Variants in EFEMP1 observed in about 807,000 individuals in gnomAD.
The protein encoded by EFEMP1 is EGF-like fibulin extracellular matrix protein 1.
A neutral mutation model predicts 65.7 loss-of-function variants in EFEMP1; 18 were observed. The observed-to-expected ratio is 0.27, with a 90% CI of 0.19 to 0.41. The LOEUF (loss-of-function observed/expected upper bound fraction) is 0.41, where lower values mean the gene tolerates loss of function less well. Among genes scored for constraint, EFEMP1 ranks in the 10% least tolerant of loss-of-function variants. The pLI is 1.00. For synonymous variants in EFEMP1, 237 were observed against 219.7 expected (o/e 1.08, Z -0.70); for missense variants, 469 against 624.8 (o/e 0.75, Z 2.66).
chr2:55,878,658 TAAAAC>T (rs56900947), intron 6 of EFEMP1, among the ~76,000 whole-genome samples: 5 of 151,778 alleles, frequency 3.3e-5, no homozygotes, highest in Admixed American at 2.0e-4. Flanking sequence ...TGCCTTGTGG[TAAAAC>T]AAAACAAAAC....
chr2:55,901,331 T>C (rs1364898115), intron 5 of EFEMP1, among the ~76,000 whole-genome samples: 1 of 152,236 alleles, frequency 6.6e-6, no homozygotes, highest in East Asian at 1.9e-4. Flanking sequence ...AGTTTTTGTT[T>C]TATGAAAATT....
At position 55,923,704 on chromosome 2, in the gene EFEMP1, C is replaced by A. The variant is rs1671000868; in HGVS notation, c.-49+7G>T. ...GCTCGGGGCGACCCCCCGTTGGGGG[C>A]TCCTACCTGTGCGGCCGCGCTGCGC... is the stretch of plus-strand genomic sequence containing the variant. On this transcript the variant is annotated splice_region_variant and intron_variant, in intron 1 of 11. Coordinates refer to ENST00000355426, the MANE Select transcript of EFEMP1 (RefSeq NM_001039348.3). The surrounding 1 kb of genome is among the most constrained non-coding windows in gnomAD (Gnocchi z 5.3). 3.0e-6 allele frequency: 3 copies of A among 985,796 alleles called. No individual in the cohort carries two copies. Among genetic ancestry groups the A allele is most frequent in the Non-Finnish European group, 3.6e-6 (3 of 830,424 alleles). 61.1% of individuals were successfully genotyped at this position (985,796 alleles called of 1,614,324 possible).
Position 55,877,629 on chromosome 2 carries a change from T to G in EFEMP1, c.760+117A>C. 1 of 1,472,988 alleles carries G rather than the reference T, an allele frequency of 6.8e-7. No homozygotes were observed. Among genetic ancestry groups the G allele is most frequent in the Admixed American group, 1.7e-5 (1 of 58,154 alleles). 91.2% of individuals were successfully genotyped at this position (1,472,988 alleles called of 1,614,324 possible). On this transcript the variant is annotated intron_variant, in intron 7 of 11. Coordinates refer to ENST00000355426, the MANE Select transcript of EFEMP1 (RefSeq NM_001039348.3). The surrounding 1 kb of genome is among the most constrained non-coding windows in gnomAD (Gnocchi z 4.5). ...ATTATCTTTTAAGCTTTATGATTGC[T>G]GAAGGGAAGTCGATGGAAACTATTT... is the stretch of plus-strand genomic sequence containing the variant.
intron 5 of EFEMP1, among the ~76,000 whole-genome samples, chr2:55,913,177 G>A (rs1670546907): frequency 6.6e-6 from 1 of 152,090 alleles, no homozygotes. Context: ...AGGTGCAGGC[G>A]ATTTGGCTGT....
intron 5 of EFEMP1, among the ~76,000 whole-genome samples, chr2:55,900,311 C>T (rs1318683147): frequency 4.0e-5 from 6 of 149,432 alleles, no homozygotes; most frequent in Admixed American, 4.0e-4. Context: ...ACTGCCCCCA[C>T]GATCCCCCCC....
intron 5 of EFEMP1, among the ~76,000 whole-genome samples, chr2:55,912,981 T>A (rs1670535592): frequency 6.6e-6 from 1 of 152,176 alleles, no homozygotes; most frequent in Non-Finnish European, 1.5e-5. Context: ...AGAAACTTGC[T>A]CATTGGCACA....
Position 55,867,033 on chromosome 2 carries a change from T to C in EFEMP1, c.*40A>G. ...TAGTGCTTTAAGGTAACAATATTCT[T>C]TGGCTGACTTAAATGCCTGTGGTTG... On this transcript the variant is annotated 3_prime_UTR_variant, in exon 12 of 12. Transcript: ENST00000355426. This position sits in a 1 kb window ranked among gnomAD's most constrained non-coding sequence, Gnocchi z 4.3. The C allele has an allele frequency of 6.2e-7, 1 of 1,610,954 alleles. No individual in the cohort carries two copies. Among genetic ancestry groups the C allele is most frequent in the Non-Finnish European group, 8.5e-7 (1 of 1,178,910 alleles).
In EFEMP1 at chr2:55,917,871, G is replaced by A. The variant is rs1275281984; in HGVS notation, c.311C>T (p.Ala104Val). The A allele has an allele frequency of 1.2e-6, 2 of 1,614,228 alleles. No individual in the cohort carries two copies. The highest frequency in any genetic ancestry group is 4.5e-5 in the East Asian group (2 of 44,888). ...TSGATTGVVA[A>V]SSMATSGVLP... Reference sequence around the variant, plus strand: ...CACTCCACTGGTTGCCATGCTGCTGGCAGCTACAACCCCGGTGGTTGCCCC... The same window carrying A: ...CACTCCACTGGTTGCCATGCTGCTGACAGCTACAACCCCGGTGGTTGCCCC... The change falls in exon 5 of 12, where the codon GCC (alanine) becomes GTC (valine). Residue 104 changes from alanine to valine, a missense_variant. Physicochemically the swap from Ala to Val is moderately conservative, Grantham distance 64. Transcript: ENST00000355426. The surrounding 1 kb of genome is among the most constrained non-coding windows in gnomAD (Gnocchi z 6.3).
intron 7 of EFEMP1, 111 bp from the exon 8 acceptor site, chr2:55,876,853 C>G (rs979701996): frequency 1.9e-6 from 1 of 537,994 alleles, no homozygotes; most frequent in African/African-American, 2.0e-5. Flanking sequence ...CATCTGCTGA[C>G]AAGTGAGTAA....
chr2:55,890,985 T>C (rs1354322748), intron 5 of EFEMP1, among the ~76,000 whole-genome samples: 2 of 152,060 alleles, frequency 1.3e-5, no homozygotes, highest in East Asian at 1.9e-4. Context: ...TGGGGGTACA[T>C]GTGCAGGTTT....
chr2:55,906,410 G>T (rs1178523827), intron 5 of EFEMP1, among the ~76,000 whole-genome samples: 2 of 151,994 alleles, frequency 1.3e-5, no homozygotes, highest in Non-Finnish European at 2.9e-5. Context: ...TTTTAGTAGG[G>T]ACGGGGTTTC....
At chr2:55,903,470 T>C (rs1397160237) in intron 5 of EFEMP1, among the ~76,000 whole-genome samples, 1 of 152,220 alleles carries the variant, frequency 6.6e-6, no homozygotes, top group Non-Finnish European at 1.5e-5. Flanking sequence ...AGGTTCTGCA[T>C]ACATCAACAA....
chr2:55,889,856 G>A (rs527587418), intron 5 of EFEMP1, among the ~76,000 whole-genome samples: 1 of 150,762 alleles, frequency 6.6e-6, no homozygotes, highest in African/African-American at 2.4e-5. Flanking sequence ...AAAGCTAATA[G>A]AGGGGAAAAT....
chr2:55,875,474 T>G (rs1291694326), intron 8 of EFEMP1, among the ~76,000 whole-genome samples: 1 of 151,902 alleles, frequency 6.6e-6, no homozygotes, highest in East Asian at 1.9e-4. Context: ...ATACAAAACT[T>G]TATAAGCAGC....
intron 5 of EFEMP1, among the ~76,000 whole-genome samples, chr2:55,890,399 C>CT (rs1669588211): frequency 6.6e-6 from 1 of 151,892 alleles, no homozygotes; most frequent in Non-Finnish European, 1.5e-5. Flanking sequence ...CACACTTCTC[C>CT]TGGTAATTGA....
chr2:55,881,113 T>G (rs1380952154), intron 6 of EFEMP1, among the ~76,000 whole-genome samples: 1 of 152,220 alleles, frequency 6.6e-6, no homozygotes, highest in Non-Finnish European at 1.5e-5. Flanking sequence ...ACATGAGCTC[T>G]GGAGGTAGGG....
chr2:55,877,934 TA>T lies in EFEMP1; in HGVS notation c.641-70del. ...TTAGCATTCTCTGAAAAGCATTATC[TA>T]GAAAACCTATGTAGAGAAAATCTCT... On this transcript the variant is annotated intron_variant, in intron 6 of 11. Transcript: ENST00000355426. This position sits in a 1 kb window ranked among gnomAD's most constrained non-coding sequence, Gnocchi z 4.5. 6.3e-7 allele frequency: 1 copy of T among 1,584,136 alleles called. No individual in the cohort carries two copies. Among genetic ancestry groups the T allele is most frequent in the Non-Finnish European group, 8.6e-7 (1 of 1,156,946 alleles).
chr2:55,884,969 G>A (rs1186514175), intron 5 of EFEMP1, among the ~76,000 whole-genome samples: 2 of 152,096 alleles, frequency 1.3e-5, no homozygotes, highest in African/African-American at 2.4e-5. Flanking sequence ...GCTGAGAATT[G>A]GTACCTAAAG....
chr2:55,904,228 G>A (rs994753652), intron 5 of EFEMP1, among the ~76,000 whole-genome samples: 5 of 152,174 alleles, frequency 3.3e-5, no homozygotes, highest in Non-Finnish European at 5.9e-5. Context: ...ATTTGCAGAA[G>A]ATCCAGGAAG....
Sources: allele counts gnomAD v4.1 joint callset (sites outside exome capture counted in the v4.1 genomes callset), GRCh38; gene constraint gnomAD v4.1.1; non-coding constraint Gnocchi (gnomAD v3.1); transcripts MANE v1.5; gene names NCBI Gene and HGNC (gene_info 2026-07-23, HGNC 2026-07-21).